ZNF469: variants seen among roughly 807,000 people sequenced by gnomAD.
ZNF469 encodes zinc finger protein 469.
In ZNF469, 1 loss-of-function variant was observed where a neutral mutation model predicts 1.0. The observed-to-expected ratio is 1.00, with a 90% confidence interval of 0.35 to 4.73. ZNF469 has a LOEUF of 4.73. ZNF469 is among the 30% of genes most tolerant of loss of function. ZNF469 has a pLI of 0.16. For synonymous variants in ZNF469, 2,703 were observed against 2,363.4 expected (o/e 1.14, Z -4.17); for missense variants, 6,100 against 5,356.3 (o/e 1.14, Z -4.33).
At chr16:88,292,809 A>AC in the ZNF469 span, among the ~76,000 whole-genome samples, 2 of 151,502 alleles carry the variant, frequency 1.3e-5, no homozygotes, top group South Asian at 2.1e-4. Flanking sequence ...AAAAAAAAAA[A>AC]AAAAAAAAAA....
At chr16:88,176,549 G>A in the ZNF469 span, among the ~76,000 whole-genome samples, 6 of 152,206 alleles carry the variant, frequency 3.9e-5, no homozygotes, top group Admixed American at 6.5e-5. Flanking sequence ...ACGCAATGGC[G>A]GCCTCCACAC....
the ZNF469 span, among the ~76,000 whole-genome samples, chr16:88,283,743 C>T: frequency 7.2e-5 from 11 of 152,202 alleles, no homozygotes; most frequent in Admixed American, 1.3e-4. Context: ...GCTGTGAACG[C>T]GGAGGCTGGT....
chr16:88,401,534 C>CTGGGGTGGGTGG (rs1904857865), intron 1 of ZNF469, among the ~76,000 whole-genome samples: 5 of 48,212 alleles, frequency 1.0e-4, no homozygotes, highest in Non-Finnish European at 1.8e-4. Flanking sequence ...TGGATGGATG[C>CTGGGGTGGGTGG]ATGGGTGGAT....
intron 1 of ZNF469, among the ~76,000 whole-genome samples, chr16:88,410,479 G>A (rs113058315): frequency 7.0e-6 from 1 of 143,132 alleles, no homozygotes; most frequent in Non-Finnish European, 1.5e-5. Context: ...GGTTCACGGT[G>A]ACGTCTATGA....
At chr16:88,373,036 C>T in the ZNF469 span, among the ~76,000 whole-genome samples, 6 of 152,258 alleles carry the variant, frequency 3.9e-5, no homozygotes, top group Non-Finnish European at 5.9e-5. Context: ...TCATCCTCTT[C>T]ATCCCTTCCT....
At chr16:88,348,266 T>C in the ZNF469 span, among the ~76,000 whole-genome samples, 1 of 152,148 alleles carries the variant, frequency 6.6e-6, no homozygotes, top group Non-Finnish European at 1.5e-5. Flanking sequence ...CTCCCTGACT[T>C]GTGGCCACAT....
At chr16:88,218,807 A>G in the ZNF469 span, among the ~76,000 whole-genome samples, 1 of 149,468 alleles carries the variant, frequency 6.7e-6, no homozygotes, top group South Asian at 2.2e-4. Flanking sequence ...GTATTCAATT[A>G]GGAAAAGAGG....
At position 88,434,674 on chromosome 16, in the gene ZNF469, G is replaced by C. The variant is rs902050817; in HGVS notation, c.7204G>C (p.Gly2402Arg). ...GCCCAGGGTCACCTGCCCTTCCACA[G>C]GACTGGGCTTGGGAAGAACCACAGC... Reference protein sequence around the residue: ...KMPRVTCPSTGLGLGRTTAPS... With the variant: ...KMPRVTCPSTRLGLGRTTAPS... Residue 2402 changes from glycine (G) to arginine (R), a missense_variant, in exon 3 of 3, where the codon GGA (glycine) becomes CGA (arginine). Physicochemically the swap from Gly to Arg is moderately radical, Grantham distance 125. Transcript: ENST00000565624. 6 of 1,550,280 alleles carry C rather than the reference G, an allele frequency of 3.9e-6. No homozygotes were observed. In the African/African-American group the frequency reaches 6.8e-5, roughly 18 times the overall value.
intron 2 of ZNF469, among the ~76,000 whole-genome samples, 170 bp downstream of exon 2, chr16:88,425,041 C>T (rs1331933157): frequency 1.3e-5 from 2 of 152,200 alleles, no homozygotes; most frequent in African/African-American, 4.8e-5. Flanking sequence ...CCGGGCAGGG[C>T]TTCCAGCCAC....
the ZNF469 span, among the ~76,000 whole-genome samples, chr16:88,165,160 G>T: frequency 1.3e-5 from 2 of 152,226 alleles, no homozygotes; most frequent in East Asian, 1.9e-4. Flanking sequence ...GGGCTCCTGT[G>T]AGTGGGCTCA....
At chr16:88,360,228 C>T in the ZNF469 span, among the ~76,000 whole-genome samples, 1 of 152,054 alleles carries the variant, frequency 6.6e-6, no homozygotes, top group South Asian at 2.1e-4. Context: ...CCACGTTGGC[C>T]AGGCTGGTCT....
the ZNF469 span, among the ~76,000 whole-genome samples, chr16:88,320,200 A>C: frequency 5.3e-5 from 8 of 152,034 alleles, no homozygotes; most frequent in Admixed American, 2.0e-4. Context: ...TGATAATTCC[A>C]CCCAATTTAT....
chr16:88,176,146 C>T, the ZNF469 span, among the ~76,000 whole-genome samples: 7 of 151,572 alleles, frequency 4.6e-5, no homozygotes, highest in East Asian at 9.7e-4. Context: ...TGGCACCCTG[C>T]ACCCACCGAA....
the ZNF469 span, among the ~76,000 whole-genome samples, chr16:88,349,813 CAAA>C: frequency 5.0e-4 from 1 of 2,006 alleles, no homozygotes; most frequent in Non-Finnish European, 1.0e-3. Flanking sequence ...ACACACATCA[CAAA>C]TGCACACACA....
chr16:88,208,271 T>G, the ZNF469 span, among the ~76,000 whole-genome samples: 2 of 151,936 alleles, frequency 1.3e-5, no homozygotes, highest in Non-Finnish European at 2.9e-5. Flanking sequence ...CAAGCTCATC[T>G]GCGCTTTCCC....
At chr16:88,240,445 G>A in the ZNF469 span, among the ~76,000 whole-genome samples, 2 of 152,230 alleles carry the variant, frequency 1.3e-5, no homozygotes, top group African/African-American at 4.8e-5. Flanking sequence ...GGGGAGGCTG[G>A]CCTTTCTGTA....
chr16:88,182,305 C>T, the ZNF469 span, among the ~76,000 whole-genome samples: 1 of 152,100 alleles, frequency 6.6e-6, no homozygotes, highest in Non-Finnish European at 1.5e-5. Context: ...TCCCTGCAAA[C>T]TGAGCTATAG....
At chr16:88,323,775 G>T in the ZNF469 span, among the ~76,000 whole-genome samples, 1 of 152,160 alleles carries the variant, frequency 6.6e-6, no homozygotes, top group African/African-American at 2.4e-5. Context: ...GGCCCACTCT[G>T]CCCCTGGCAC....
chr16:88,438,134 T>C lies in ZNF469; in HGVS notation c.10664T>C (p.Leu3555Pro). 1 of 1,550,404 alleles carries C rather than the reference T, an allele frequency of 6.4e-7. No homozygotes were observed. Among genetic ancestry groups the C allele is most frequent in the Non-Finnish European group, 8.7e-7 (1 of 1,146,956 alleles). Residue 3555 changes from leucine (L) to proline (P), a missense_variant, in exon 3 of 3, where the codon CTG becomes CCG. Coordinates refer to ENST00000565624, the MANE Select transcript of ZNF469 (RefSeq NM_001367624.2). ...SNHQECPPPS[L>P]SPFPAALADG... ...CACCAGGAGTGTCCCCCGCCGTCTC[T>C]GTCTCCCTTCCCAGCTGCCTTGGCT...
Sources: allele counts gnomAD v4.1 joint callset (sites outside exome capture counted in the v4.1 genomes callset), GRCh38; gene constraint gnomAD v4.1.1; transcripts MANE v1.5; gene names NCBI Gene and HGNC (gene_info 2026-07-23, HGNC 2026-07-21).